Variants in YKT6 observed in about 807,000 individuals in gnomAD.
YKT6 encodes YKT6 vesicular SNARE protein.
A neutral mutation model predicts 29.3 loss-of-function variants in YKT6; 12 were observed. That is an observed-to-expected ratio of 0.41 (90% CI 0.26 to 0.66). YKT6 has a LOEUF of 0.66. YKT6 is among the 30% of genes least tolerant of loss of function. The pLI is 0.32. For missense variants in YKT6, 188 were observed against 243.8 expected, an observed-to-expected ratio of 0.77 and a Z score of 1.52; for synonymous variants, 86 against 94.3, an observed-to-expected ratio of 0.91 and a Z score of 0.51.
chr7:44,205,143 A>G (rs971133474), intron 2 of YKT6, among the ~76,000 whole-genome samples: 5 of 152,236 alleles, frequency 3.3e-5, no homozygotes, highest in Non-Finnish European at 7.3e-5. Context: ...GACAAAGATC[A>G]TCTCACACTT....
chr7:44,206,477 C>A lies in YKT6; in HGVS notation c.280C>A (p.Leu94Met). 1 of 1,613,900 alleles carries A rather than the reference C, an allele frequency of 6.2e-7. No homozygotes were observed. The highest frequency in any genetic ancestry group is 8.5e-7 in the Non-Finnish European group (1 of 1,179,998). The stretch of plus-strand genomic sequence containing the variant: ...CCCATCCCGGGTGGCCTTTACCTTG[C>A]TGGAGAAGGTGAGTTTTTTATTTGC... ...EYPSRVAFTL[L>M]EKVLDEFSKQ... Residue 94 changes from leucine to methionine, a missense_variant, in exon 3 of 7, where the codon CTG (leucine) becomes ATG (methionine). Around this residue, in one of 3 missense-constraint regions of YKT6, gnomAD observed 100 missense variants for 136.3 expected, o/e 0.73. Transcript: ENST00000223369.
At chr7:44,211,968 G>A (rs2096347283) in intron 6 of YKT6, among the ~76,000 whole-genome samples, 1 of 152,244 alleles carries the variant, frequency 6.6e-6, no homozygotes, top group Admixed American at 6.5e-5. Flanking sequence ...TGGCCTAACT[G>A]TAGGAATTTT....
At chr7:44,211,601 T>C in intron 6 of YKT6, 1 of 1,010,744 alleles carries the variant, frequency 9.9e-7, no homozygotes, top group African/African-American at 1.7e-5. Context: ...CCGCTTTCTC[T>C]CAGGTCAGTG....
At position 44,207,733 on chromosome 7, in the gene YKT6, T is replaced by G. The variant is rs181256145; in HGVS notation, c.393+241T>G. On this transcript the variant is annotated intron_variant, in intron 4 of 6. Transcript: ENST00000223369. ...ACAGGCTGTGGGTTTTTTTTTTTGT[T>G]TTTTGTTTTTTGAGTTGGAGTCTCA... is the stretch of plus-strand genomic sequence containing the variant. Among the ~76,000 whole-genome samples the G allele has an allele frequency of 2.0e-3, 305 of 152,016 alleles. 2 individuals carry two copies. The highest frequency in any genetic ancestry group is 0.01 in the Middle Eastern group (3 of 294).
At chr7:44,207,562 G>T in intron 4 of YKT6, 70 bp downstream of exon 4, 1 of 1,350,634 alleles carries the variant, frequency 7.4e-7, no homozygotes, top group South Asian at 1.2e-5. Flanking sequence ...AAAGCCAACT[G>T]CCCTGATAGT....
rs2096335233 is a variant in YKT6, at chr7:44,201,259, G to A, written c.104+20G>A. The A allele has an allele frequency of 6.8e-6, 11 of 1,605,886 alleles. No homozygotes were observed. The highest frequency in any genetic ancestry group is 8.5e-6 in the Non-Finnish European group (10 of 1,175,746). ...ATCCAGGTGAGCGGCACAGGCTGGT[G>A]GGCCGTGGCGGTCGGGCGGAGAGGA... is the stretch of plus-strand genomic sequence containing the variant. On this transcript the variant is annotated intron_variant, in intron 1 of 6. Transcript: ENST00000223369.
Position 44,212,431 on chromosome 7 carries a change from G to A in YKT6, c.*149G>A. On this transcript the variant is annotated 3_prime_UTR_variant, in exon 7 of 7. Coordinates refer to ENST00000223369, the MANE Select transcript of YKT6 (RefSeq NM_006555.4). ...TTTGAAGTTCCTGCGAGAAATGGAT[G>A]GTGGAAGGGTGGCGAATGTTCAAAT... The A allele has an allele frequency of 2.1e-6, 2 of 963,924 alleles. No individual in the cohort carries two copies. Among genetic ancestry groups the A allele is most frequent in the Admixed American group, 2.1e-5 (1 of 46,646 alleles). 59.7% of individuals were successfully genotyped at this position (963,924 alleles called of 1,614,324 possible).
chr7:44,211,656 GATA>G (rs1562744766), intron 6 of YKT6: 2 of 993,478 alleles, frequency 2.0e-6, no homozygotes, highest in African/African-American at 3.5e-5. Flanking sequence ...CCCATGGTTG[GATA>G]GTCATAGGGA....
chr7:44,210,781 C>T, intron 5 of YKT6: 1 of 577,918 alleles, frequency 1.7e-6, no homozygotes. Context: ...CTGGGGACAG[C>T]TTTTTGGGAA....
intron 2 of YKT6, among the ~76,000 whole-genome samples, chr7:44,205,217 A>C (rs1248405416): frequency 6.6e-6 from 1 of 152,254 alleles, no homozygotes; most frequent in Non-Finnish European, 1.5e-5. Flanking sequence ...CAGTTATGAT[A>C]CAGGCAGGAT....
chr7:44,204,740 A>T, intron 2 of YKT6, 90 bp downstream of exon 2: 1 of 1,201,950 alleles, frequency 8.3e-7, no homozygotes, highest in Non-Finnish European at 1.2e-6. Context: ...TTCTACTGGG[A>T]CCCTACTCCT....
At chr7:44,202,327 C>T (rs921210929) in intron 1 of YKT6, among the ~76,000 whole-genome samples, 2 of 152,144 alleles carry the variant, frequency 1.3e-5, no homozygotes. Context: ...TATCTTTAAG[C>T]GTGTAGTGAG....
At position 44,206,441 on chromosome 7, in the gene YKT6, G is replaced by C; in HGVS notation, c.244G>C (p.Asp82His). ...TAGTCTTGCAGGTGTGGTCATTGCT[G>C]ACAATGAATACCCATCCCGGGTGGC... ...NDSLAGVVIA[D>H]NEYPSRVAFT... The change falls in exon 3 of 7, where the codon GAC becomes CAC. Residue 82 changes from aspartate to histidine, a missense_variant. This residue lies in a region of YKT6 where 100 missense variants were observed against 136.3 expected (regional missense o/e 0.73). Transcript: ENST00000223369. The C allele has an allele frequency of 6.2e-7, 1 of 1,614,128 alleles. No individual in the cohort carries two copies. Among genetic ancestry groups the C allele is most frequent in the Non-Finnish European group, 8.5e-7 (1 of 1,180,048 alleles).
At position 44,208,171 on chromosome 7, in the gene YKT6, C is replaced by T. The variant is rs758181820; in HGVS notation, c.432C>T (p.Ala144=). Residue 144 remains alanine (A), a synonymous_variant, in exon 5 of 7, where the codon GCC becomes GCT. Transcript: ENST00000223369. The part of the protein sequence containing the change: ...READPMTKVQ[A]ELDETKIILH... ...CTGATCCCATGACTAAAGTGCAGGC[C>T]GAACTAGATGAGACCAAAATCATTC... 4.9e-5 allele frequency: 79 copies of T among 1,613,900 alleles called. 1 individual carries two copies. The Admixed American group carries it at 1.1e-3, about 22-fold the overall frequency.
rs554705646 is a variant in YKT6, at chr7:44,211,806, C to T, written c.562-441C>T. Among the ~76,000 whole-genome samples the T allele has an allele frequency of 7.9e-4, 121 of 152,378 alleles. 1 individual carries two copies. The highest frequency in any genetic ancestry group is 2.6e-3 in the African/African-American group (110 of 41,582). On this transcript the variant is annotated intron_variant, in intron 6 of 6. Transcript: ENST00000223369. ...CAACAGTGGTCCCCACAAACCACAT[C>T]CCAAGTGGGAACCACATCTGTTGTC...
At position 44,212,383 on chromosome 7, in the gene YKT6, G is replaced by C. The variant is rs976486557; in HGVS notation, c.*101G>C. 1.8e-5 allele frequency: 26 copies of C among 1,477,672 alleles called. No individual in the cohort carries two copies. The highest frequency in any genetic ancestry group is 1.8e-5 in the Admixed American group (1 of 55,642). The allele number at this position is 1,477,672 out of a possible 1,614,324, so 91.5% of individuals were successfully genotyped here. The stretch of plus-strand genomic sequence containing the variant: ...ACAGCCATAGACGAGGAGCCAGAGT[G>C]GGGGCAGACTGGCCATTTTTATTTT... On this transcript the variant is annotated 3_prime_UTR_variant, in exon 7 of 7. Coordinates refer to ENST00000223369, the MANE Select transcript of YKT6 (RefSeq NM_006555.4).
intron 5 of YKT6, chr7:44,208,624 A>G (rs2096343444): frequency 6.1e-6 from 1 of 163,036 alleles, no homozygotes; most frequent in South Asian, 1.7e-4. Context: ...TGCACTGACC[A>G]CAGGGCAGCT....
At chr7:44,206,507 C>T (rs1410619715) in intron 3 of YKT6, 22 bp downstream of exon 3, 2 of 1,604,454 alleles carry the variant, frequency 1.2e-6, no homozygotes, top group Admixed American at 1.7e-5. Context: ...ATTTGCCTCT[C>T]CTGGACTTGG....
At chr7:44,206,280 A>T in intron 2 of YKT6, 105 bp from the exon 3 acceptor site, 1 of 1,140,324 alleles carries the variant, frequency 8.8e-7, no homozygotes, top group Non-Finnish European at 1.3e-6. Context: ...TGAGCTTCCG[A>T]GTGGCTTCAT....
Sources: gnomAD v4.1 joint callset for allele counts (sites outside exome capture counted in the v4.1 genomes callset) on GRCh38, gnomAD v4.1.1 for gene constraint, gnomAD v4.1.1 regional missense constraint, MANE v1.5 for transcripts, NCBI Gene and HGNC (gene_info 2026-07-23, HGNC 2026-07-21) for gene names.